CSMD1: variants seen among roughly 807,000 people sequenced by gnomAD.
The protein encoded by CSMD1 is CUB and Sushi multiple domains 1.
A neutral mutation model predicts 417.5 loss-of-function variants in CSMD1; 213 were observed. The observed-to-expected ratio is 0.51, with a 90% CI of 0.46 to 0.57. The LOEUF is 0.57. Among genes scored for constraint, CSMD1 ranks in the 20% least tolerant of loss-of-function variants. CSMD1 has a pLI of 0.00. For missense variants in CSMD1, 6,923 were observed against 4,529.7 expected, an observed-to-expected ratio of 1.53 and a Z score of -15.17; for synonymous variants, 2,862 against 1,736.8, an observed-to-expected ratio of 1.65 and a Z score of -16.11.
chr8:3,672,234 AG>A (rs1191111532), intron 7 of CSMD1, among the ~76,000 whole-genome samples: 1 of 152,166 alleles, frequency 6.6e-6, no homozygotes, highest in African/African-American at 2.4e-5. Flanking sequence ...TTTGCTCATA[AG>A]ATTTTTTAAA....
intron 42 of CSMD1, among the ~76,000 whole-genome samples, chr8:3,116,510 G>C (rs191527981): frequency 5.8e-4 from 89 of 152,280 alleles, no homozygotes; most frequent in African/African-American, 2.1e-3. Context: ...GAAGCCTCAG[G>C]CTGGTTTTGG....
intron 12 of CSMD1, among the ~76,000 whole-genome samples, chr8:3,431,237 C>A (rs1172338415): frequency 4.6e-5 from 7 of 152,150 alleles, no homozygotes; most frequent in Non-Finnish European, 1.0e-4. Context: ...ACAGCTGAAA[C>A]TCCCCATCCC....
chr8:4,396,943 G>A (rs775543996), intron 3 of CSMD1, among the ~76,000 whole-genome samples: 30 of 151,984 alleles, frequency 2.0e-4, no homozygotes, highest in Non-Finnish European at 4.3e-4. Flanking sequence ...CACTGCCTGG[G>A]TGATGAGTGC....
At chr8:3,578,191 G>A (rs944058074) in intron 9 of CSMD1, among the ~76,000 whole-genome samples, 2 of 152,108 alleles carry the variant, frequency 1.3e-5, no homozygotes, top group Non-Finnish European at 2.9e-5. Flanking sequence ...CATATGTTAC[G>A]CTTTAAAAAA....
intron 3 of CSMD1, among the ~76,000 whole-genome samples, chr8:4,238,786 CTT>C (rs1425799339): frequency 6.6e-6 from 1 of 152,140 alleles, no homozygotes; most frequent in Non-Finnish European, 1.5e-5. Context: ...GTAAAGAAGA[CTT>C]AGGCAGTAAC....
chr8:3,253,258 C>G (rs1440100003), intron 26 of CSMD1, among the ~76,000 whole-genome samples: 1 of 152,084 alleles, frequency 6.6e-6, no homozygotes, highest in Non-Finnish European at 1.5e-5. Flanking sequence ...CAAAGAACAT[C>G]TTTATTTCTG....
At chr8:4,189,507 T>C (rs1223937344) in intron 3 of CSMD1, among the ~76,000 whole-genome samples, 2 of 152,202 alleles carry the variant, frequency 1.3e-5, no homozygotes, top group African/African-American at 4.8e-5. Flanking sequence ...ATTAATTGTA[T>C]AAACATATAT....
chr8:4,753,975 A>C (rs1419666545), intron 1 of CSMD1, among the ~76,000 whole-genome samples: 3 of 152,238 alleles, frequency 2.0e-5, no homozygotes. Flanking sequence ...GAACAGCTTC[A>C]AATACAGGAA....
At chr8:3,922,216 C>G (rs896894156) in intron 5 of CSMD1, among the ~76,000 whole-genome samples, 1 of 152,052 alleles carries the variant, frequency 6.6e-6, no homozygotes, top group Admixed American at 6.6e-5. Flanking sequence ...TTTTTAACCA[C>G]TTGCATAAAA....
chr8:4,688,281 G>C (rs1189353974), intron 1 of CSMD1, among the ~76,000 whole-genome samples: 1 of 152,044 alleles, frequency 6.6e-6, no homozygotes. Flanking sequence ...CTAACATAAT[G>C]AATCTATGTC....
intron 1 of CSMD1, among the ~76,000 whole-genome samples, chr8:4,930,990 G>C (rs1450034101): frequency 1.3e-5 from 2 of 152,014 alleles, no homozygotes; most frequent in African/African-American, 4.8e-5. Flanking sequence ...AAAACAGTAA[G>C]ACAATATATG....
chr8:4,091,978 T>A (rs1460537356), intron 3 of CSMD1, among the ~76,000 whole-genome samples: 1 of 152,178 alleles, frequency 6.6e-6, no homozygotes, highest in Non-Finnish European at 1.5e-5. Flanking sequence ...TGCTAAGACA[T>A]TTTATGCGCC....
At chr8:4,141,009 G>A (rs1176109599) in intron 3 of CSMD1, among the ~76,000 whole-genome samples, 2 of 151,164 alleles carry the variant, frequency 1.3e-5, no homozygotes. Flanking sequence ...AGAAAGACAG[G>A]TAATATTCCT....
chr8:3,715,591 G>A (rs1056247241), intron 6 of CSMD1, among the ~76,000 whole-genome samples: 7 of 152,092 alleles, frequency 4.6e-5, no homozygotes, highest in Non-Finnish European at 8.8e-5. Flanking sequence ...CATCCACGCT[G>A]GAGTGCAGTG....
intron 5 of CSMD1, among the ~76,000 whole-genome samples, chr8:3,901,692 T>G (rs1192531846): frequency 6.6e-6 from 1 of 152,220 alleles, no homozygotes; most frequent in African/African-American, 2.4e-5. Flanking sequence ...ACAACTTTAT[T>G]AGATTTTGAA....
At chr8:3,922,685 G>T (rs2975324) in intron 5 of CSMD1, among the ~76,000 whole-genome samples, 1 of 151,906 alleles carries the variant, frequency 6.6e-6, no homozygotes, top group African/African-American at 2.4e-5. Flanking sequence ...ATCCAAATCT[G>T]TATTTTATGT....
chr8:4,804,674 T>C (rs1333503045), intron 1 of CSMD1, among the ~76,000 whole-genome samples: 2 of 152,134 alleles, frequency 1.3e-5, no homozygotes, highest in East Asian at 1.9e-4. Flanking sequence ...CTTTTAGTGA[T>C]CAAAATATAA....
chr8:4,865,623 G>A (rs1054503285), intron 1 of CSMD1, among the ~76,000 whole-genome samples: 2 of 151,734 alleles, frequency 1.3e-5, no homozygotes, highest in East Asian at 1.9e-4. Flanking sequence ...CCATTTTTAC[G>A]AAGATCTAAG....
chr8:3,623,600 T>C (rs927400109), intron 7 of CSMD1, among the ~76,000 whole-genome samples: 1 of 152,178 alleles, frequency 6.6e-6, no homozygotes, highest in Non-Finnish European at 1.5e-5. Context: ...TGTTTTTAAA[T>C]GTAATCCTTA....
Sources: gnomAD v4.1 joint callset for allele counts (sites outside exome capture counted in the v4.1 genomes callset) on GRCh38, gnomAD v4.1.1 for gene constraint, MANE v1.5 for transcripts, NCBI Gene and HGNC (gene_info 2026-07-23, HGNC 2026-07-21) for gene names.